The following LRBA variants were observed in gnomAD, a reference collection of about 807,000 sequenced individuals.
LRBA encodes the protein LPS responsive beige-like anchor protein.
A neutral mutation model predicts 330.0 loss-of-function variants in LRBA; 176 were observed. That is an observed-to-expected ratio of 0.53 (90% CI 0.47 to 0.60). LRBA has a LOEUF of 0.60. Ranked by LOEUF, LRBA falls within the 20% of genes least tolerant of loss-of-function variation. The probability of loss-of-function intolerance (pLI) is 0.00; values close to 1 mark genes in which losing one functional copy is unlikely to be tolerated. For synonymous variants in LRBA, 1,230 were observed against 1,193.0 expected, an observed-to-expected ratio of 1.03 and a Z score of -0.64; for missense variants, 3,259 against 3,444.8, an observed-to-expected ratio of 0.95 and a Z score of 1.35.
At chr4:150,546,258 A>G (rs533842589) in intron 40 of LRBA, among the ~76,000 whole-genome samples, 1 of 152,354 alleles carries the variant, frequency 6.6e-6, no homozygotes, top group East Asian at 1.9e-4. Flanking sequence ...ACTGCATTCA[A>G]TTGGTGAACA....
At chr4:150,814,967 G>GTC (rs1744343263) in intron 31 of LRBA, among the ~76,000 whole-genome samples, 1 of 151,896 alleles carries the variant, frequency 6.6e-6, no homozygotes, top group African/African-American at 2.4e-5. Flanking sequence ...TTACCCATAT[G>GTC]TCTCAGCTGT....
At chr4:150,861,270 G>GGTGTGTGTGTGTGTGTGTGTGTGTGT (rs35115144) in intron 22 of LRBA, among the ~76,000 whole-genome samples, 69 of 137,882 alleles carry the variant, frequency 5.0e-4, no homozygotes, top group African/African-American at 1.8e-3. Flanking sequence ...CCCAGCTAAT[G>GGTGTGTGTGTGTGTGTGTGTGTGTGT]GTGTGTGTGT....
At chr4:150,769,758 A>G (rs557256498) in intron 34 of LRBA, among the ~76,000 whole-genome samples, 26 of 152,356 alleles carry the variant, frequency 1.7e-4, no homozygotes, top group Non-Finnish European at 3.4e-4. Flanking sequence ...GACCCAAATG[A>G]CACACAAATT....
intron 22 of LRBA, among the ~76,000 whole-genome samples, chr4:150,856,526 A>C (rs1751250939): frequency 6.6e-6 from 1 of 152,226 alleles, no homozygotes; most frequent in Non-Finnish European, 1.5e-5. Context: ...ATACTTGATT[A>C]ATAGTCAGAG....
At chr4:150,910,783 C>T (rs994502883) in intron 9 of LRBA, among the ~76,000 whole-genome samples, 13 of 152,122 alleles carry the variant, frequency 8.5e-5, no homozygotes, top group Admixed American at 3.9e-4. Flanking sequence ...CATATTAAAT[C>T]TTCCAAGGGA....
intron 42 of LRBA, among the ~76,000 whole-genome samples, chr4:150,482,676 C>T (rs1378298320): frequency 6.6e-6 from 1 of 152,030 alleles, no homozygotes; most frequent in Non-Finnish European, 1.5e-5. Context: ...TTCCAGTTGC[C>T]TTGTATACTG....
intron 35 of LRBA, among the ~76,000 whole-genome samples, chr4:150,758,952 T>C (rs1441865940): frequency 2.0e-5 from 3 of 151,458 alleles, no homozygotes; most frequent in Non-Finnish European, 4.4e-5. Context: ...TCTTGCTCTA[T>C]CTCCCAGGCT....
chr4:150,417,419 T>C (rs936559782), intron 46 of LRBA, among the ~76,000 whole-genome samples: 1 of 152,178 alleles, frequency 6.6e-6, no homozygotes, highest in African/African-American at 2.4e-5. Context: ...TGAAGATGAA[T>C]GTTACTATTC....
chr4:150,965,243 G>T (rs1321118208), intron 2 of LRBA, among the ~76,000 whole-genome samples: 1 of 151,834 alleles, frequency 6.6e-6, no homozygotes, highest in African/African-American at 2.4e-5. Context: ...AGTAAACAGG[G>T]GTCAAGACAA....
At chr4:150,522,092 G>C (rs1762976631) in intron 40 of LRBA, among the ~76,000 whole-genome samples, 2 of 151,998 alleles carry the variant, frequency 1.3e-5, no homozygotes, top group Non-Finnish European at 2.9e-5. Flanking sequence ...TAATTCTGGA[G>C]GACAGAAATA....
At chr4:150,835,619 T>G (rs1427589016) in intron 28 of LRBA, among the ~76,000 whole-genome samples, 3 of 152,178 alleles carry the variant, frequency 2.0e-5, no homozygotes, top group Non-Finnish European at 4.4e-5. Flanking sequence ...TATTGGTGTA[T>G]AGGAATGTTT....
chr4:150,957,280 C>G (rs1737638764), intron 2 of LRBA, among the ~76,000 whole-genome samples: 1 of 148,478 alleles, frequency 6.7e-6, no homozygotes, highest in Non-Finnish European at 1.5e-5. Context: ...GGGGAGGCCT[C>G]ACAATCATGG....
At chr4:150,427,507 G>T (rs908963646) in intron 46 of LRBA, among the ~76,000 whole-genome samples, 7 of 151,828 alleles carry the variant, frequency 4.6e-5, no homozygotes, top group African/African-American at 1.7e-4. Context: ...CGTATAAAAA[G>T]CAAGGATAAA....
chr4:150,738,641 C>T (rs556587239), intron 35 of LRBA, among the ~76,000 whole-genome samples: 1 of 152,112 alleles, frequency 6.6e-6, no homozygotes, highest in African/African-American at 2.4e-5. Context: ...AAATATATAA[C>T]CACAGCATAC....
At chr4:150,562,121 A>G (rs1768432065) in intron 40 of LRBA, among the ~76,000 whole-genome samples, 1 of 152,098 alleles carries the variant, frequency 6.6e-6, no homozygotes, top group African/African-American at 2.4e-5. Flanking sequence ...CTCACACAGT[A>G]TCTCCTGAGC....
intron 2 of LRBA, among the ~76,000 whole-genome samples, chr4:150,968,298 C>T (rs1224236691): frequency 6.6e-6 from 1 of 152,106 alleles, no homozygotes; most frequent in African/African-American, 2.4e-5. Context: ...CCACTGTGCC[C>T]GGCCGCACAT....
intron 37 of LRBA, among the ~76,000 whole-genome samples, chr4:150,663,060 A>C (rs1381849741): frequency 6.6e-6 from 1 of 152,216 alleles, no homozygotes; most frequent in East Asian, 1.9e-4. Flanking sequence ...ACAAACTAGC[A>C]ATTTAATTAC....
chr4:150,721,638 A>G (rs1239506764), intron 36 of LRBA, among the ~76,000 whole-genome samples: 1 of 152,108 alleles, frequency 6.6e-6, no homozygotes, highest in Non-Finnish European at 1.5e-5. Context: ...TTCCTGAGAC[A>G]GAGTATTGCT....
intron 36 of LRBA, among the ~76,000 whole-genome samples, chr4:150,713,982 C>A (rs1198286195): frequency 6.6e-6 from 1 of 152,052 alleles, no homozygotes; most frequent in Non-Finnish European, 1.5e-5. Context: ...AGTTTGTGAG[C>A]CAGTCTGATA....
Sources: allele counts gnomAD v4.1 joint callset (sites outside exome capture counted in the v4.1 genomes callset), GRCh38; gene constraint gnomAD v4.1.1; transcripts MANE v1.5; gene names NCBI Gene and HGNC (gene_info 2026-07-23, HGNC 2026-07-21).